The following SYNE1 variants were observed in gnomAD, a reference collection of about 807,000 sequenced individuals.
The protein encoded by SYNE1 is nesprin-1.
SYNE1 carries 616 observed loss-of-function variants against 1,111.0 expected under a neutral mutation model. That is an observed-to-expected ratio of 0.55 (90% confidence interval 0.52 to 0.59). The LOEUF (loss-of-function observed/expected upper bound fraction) is 0.59, where lower values mean the gene tolerates loss of function less well. SYNE1 is among the 20% of genes least tolerant of loss of function. The probability of loss-of-function intolerance (pLI) is 0.00; values close to 1 mark genes in which losing one functional copy is unlikely to be tolerated. For synonymous variants in SYNE1, 3,855 were observed against 3,825.8 expected, an observed-to-expected ratio of 1.01 and a Z score of -0.28; for missense variants, 10,006 against 10,417.0, an observed-to-expected ratio of 0.96 and a Z score of 1.72.
Position 152,428,235 on chromosome 6 carries a change from G to T in SYNE1, c.4946C>A (p.Ala1649Glu), listed in dbSNP as rs781768971. 6.2e-7 allele frequency: 1 copy of T among 1,613,774 alleles called. No homozygotes were observed. Among genetic ancestry groups the T allele is most frequent in the Non-Finnish European group, 8.5e-7 (1 of 1,180,022 alleles). The stretch of plus-strand genomic sequence containing the variant: ...CCAGTGGGCCAGCAGATTCTCCAGC[G>T]CCGTCTGTCTCTCCTTCGCCCTCCT... The part of the protein sequence containing the change: ...ILRRAKERQT[A>E]LENLLAHWQR... Residue 1649 changes from alanine to glutamate, a missense_variant, in exon 37 of 146, where the codon GCG becomes GAG. Physicochemically the swap from Ala to Glu is moderately radical, Grantham distance 107. Around this residue, in one of 7 missense-constraint regions of SYNE1, gnomAD observed 1,971 missense variants for 2,084.1 expected, o/e 0.95. Coordinates refer to ENST00000367255, the MANE Select transcript of SYNE1 (RefSeq NM_182961.4).
chr6:152,229,229 A>G (rs1013873023), intron 115 of SYNE1, among the ~76,000 whole-genome samples: 1 of 152,222 alleles, frequency 6.6e-6, no homozygotes, highest in Non-Finnish European at 1.5e-5. Context: ...TTAGTTTTCA[A>G]TTGTTTTTAG....
chr6:152,502,797 A>T, intron 9 of SYNE1, 55 bp from the exon 10 acceptor site: 1 of 1,318,946 alleles, frequency 7.6e-7, no homozygotes, highest in Non-Finnish European at 1.1e-6. Context: ...TTGGATTTTG[A>T]TAATACAAGT....
chr6:152,175,695 A>C (rs2066292342), intron 130 of SYNE1, among the ~76,000 whole-genome samples: 1 of 152,244 alleles, frequency 6.6e-6, no homozygotes, highest in South Asian at 2.1e-4. Flanking sequence ...ACCTAAAATA[A>C]GACATCTCCT....
intron 90 of SYNE1, 88 bp from the exon 91 acceptor site, chr6:152,308,720 T>C: frequency 7.1e-7 from 1 of 1,414,430 alleles, no homozygotes; most frequent in Non-Finnish European, 9.6e-7. Flanking sequence ...AACTCCTATT[T>C]ACCTGTACAG....
chr6:152,274,205 TTTAA>T (rs1370730673), intron 98 of SYNE1, among the ~76,000 whole-genome samples: 35 of 152,336 alleles, frequency 2.3e-4, no homozygotes, highest in African/African-American at 6.0e-4. Flanking sequence ...TTCTTTTGAC[TTTAA>T]TTACAAAGTC....
chr6:152,270,699 A>T (rs531529218), intron 98 of SYNE1, among the ~76,000 whole-genome samples: 46 of 152,210 alleles, frequency 3.0e-4, no homozygotes, highest in Admixed American at 9.8e-4. Context: ...AGTGTTTTGG[A>T]AGCCAGATGA....
chr6:152,130,606 G>T, intron 145 of SYNE1, 114 bp downstream of exon 145: 1 of 1,053,424 alleles, frequency 9.5e-7, no homozygotes, highest in Non-Finnish European at 1.5e-6. Flanking sequence ...ACTGAAATGA[G>T]TAATTTCCCA....
chr6:152,377,267 G>C (rs1467482597), intron 56 of SYNE1, among the ~76,000 whole-genome samples: 1 of 152,028 alleles, frequency 6.6e-6, no homozygotes, highest in Non-Finnish European at 1.5e-5. Context: ...TTGTTTAAAG[G>C]TGAAAACAAA....
chr6:152,506,317 C>A (rs2099058047), intron 8 of SYNE1, among the ~76,000 whole-genome samples: 1 of 151,838 alleles, frequency 6.6e-6, no homozygotes, highest in South Asian at 2.1e-4. Flanking sequence ...GGAGGGCCTG[C>A]AAATATGATC....
intron 33 of SYNE1, 51 bp downstream of exon 33, chr6:152,435,890 G>A: frequency 6.2e-7 from 1 of 1,601,156 alleles, no homozygotes; most frequent in Non-Finnish European, 8.6e-7. Context: ...AGGAAAGATT[G>A]TATGAAACTT....
At position 152,533,770 on chromosome 6, in the gene SYNE1, T is replaced by C. The variant is rs145805367; in HGVS notation, c.129+6190A>G. ...ATAATGAGATGGTTATTTTTTTTTCTGTTTTGGTCACTGCTACATTTTCAG... is the reference window on the plus strand; with the variant it reads ...ATAATGAGATGGTTATTTTTTTTTCCGTTTTGGTCACTGCTACATTTTCAG... On this transcript the variant is annotated intron_variant, in intron 4 of 145. Transcript: ENST00000367255. 5.1e-4 allele frequency among the ~76,000 whole-genome samples: 77 copies of C among 152,332 alleles called. No homozygotes were observed. The East Asian group carries it at 0.012, about 24-fold the overall frequency.
rs149670417 is a variant in SYNE1, at chr6:152,463,467, G to A, written c.1983C>T (p.Asn661=). ...PHWIQQHTAM[N]DAGNFLIETC... The stretch of plus-strand genomic sequence containing the variant: ...TTTCAATTAGAAAATTGCCAGCATC[G>A]TTCATGGCAGTATGCTGCTGAATCC... The change falls in exon 19 of 146, where the codon AAC becomes AAT. Residue 661 remains asparagine (N), a synonymous_variant. Transcript: ENST00000367255. 8,651 of 1,613,562 alleles carry A rather than the reference G, an allele frequency of 5.4e-3. 23 individuals carry two copies. The highest frequency in any genetic ancestry group is 6.8e-3 in the Non-Finnish European group (8,029 of 1,179,714).
intron 3 of SYNE1, among the ~76,000 whole-genome samples, chr6:152,581,246 G>T (rs779473361): frequency 6.6e-6 from 1 of 152,154 alleles, no homozygotes; most frequent in Non-Finnish European, 1.5e-5. Flanking sequence ...ATTTGCACAG[G>T]TAAGAGGGGA....
At position 152,391,527 on chromosome 6, in the gene SYNE1, C is replaced by T. The variant is rs766967106; in HGVS notation, c.7754G>A (p.Ser2585Asn). The T allele has an allele frequency of 8.1e-6, 13 of 1,603,174 alleles. No homozygotes were observed. The highest frequency in any genetic ancestry group is 2.8e-5 in the African/African-American group (2 of 72,664). The change falls in exon 52 of 146, where the codon AGT (serine) becomes AAT (asparagine). Residue 2585 changes from serine to asparagine, a missense_variant. This residue lies in a region of SYNE1 where 4,955 missense variants were observed against 5,017.2 expected (regional missense o/e 0.99). Coordinates refer to ENST00000367255, the MANE Select transcript of SYNE1 (RefSeq NM_182961.4). ...CTGCCCAGCACCGTGGCCTTCTTCA[C>T]TCAGAAGCTGCCCTCTCTGGGAAAG... is the stretch of plus-strand genomic sequence containing the variant. ...DKLSQRGQLL[S>N]EEGHGAGQEG...
intron 97 of SYNE1, among the ~76,000 whole-genome samples, chr6:152,280,995 C>A (rs561913276): frequency 1.3e-5 from 2 of 152,086 alleles, no homozygotes; most frequent in Non-Finnish European, 2.9e-5. Flanking sequence ...ATGATTTTCA[C>A]ATATTTCCTC....
intron 145 of SYNE1, chr6:152,128,796 C>T (rs766392178): frequency 6.6e-6 from 1 of 152,190 alleles, no homozygotes; most frequent in African/African-American, 2.4e-5. Context: ...TAAAGGAACA[C>T]CACGACAGCC....
intron 135 of SYNE1, among the ~76,000 whole-genome samples, chr6:152,151,295 C>T (rs1424412745): frequency 6.6e-6 from 1 of 150,960 alleles, no homozygotes; most frequent in African/African-American, 2.4e-5. Flanking sequence ...GAAAATCAAT[C>T]AAGCTGTTGA....
chr6:152,564,820 C>T (rs561086436), intron 3 of SYNE1, among the ~76,000 whole-genome samples: 2 of 152,018 alleles, frequency 1.3e-5, no homozygotes, highest in Non-Finnish European at 2.9e-5. Flanking sequence ...TCATTTACTG[C>T]GAGAATTTCA....
intron 23 of SYNE1, 132 bp downstream of exon 23, chr6:152,455,754 T>A (rs967699511): frequency 1.4e-6 from 2 of 1,401,546 alleles, no homozygotes; most frequent in Admixed American, 3.7e-5. Flanking sequence ...GGTAAAAAAG[T>A]AGGACAATGA....
Sources: allele counts gnomAD v4.1 joint callset (sites outside exome capture counted in the v4.1 genomes callset), GRCh38; gene constraint gnomAD v4.1.1; regional missense constraint gnomAD v4.1.1; transcripts MANE v1.5; gene names NCBI Gene and HGNC (gene_info 2026-07-23, HGNC 2026-07-21).